Variants in SMC2 observed in about 807,000 individuals in gnomAD.
SMC2 encodes structural maintenance of chromosomes protein 2.
In SMC2, 41 loss-of-function variants were observed where a neutral mutation model predicts 142.6. The ratio of observed to expected loss-of-function variants is 0.29; its 90% confidence interval spans 0.22 to 0.37. The LOEUF (loss-of-function observed/expected upper bound fraction) is 0.37, where lower values mean the gene tolerates loss of function less well. SMC2 is among the 10% of genes least tolerant of loss of function. The pLI is 1.00. For missense variants in SMC2, 1,265 were observed against 1,373.7 expected, an observed-to-expected ratio of 0.92 and a Z score of 1.25; for synonymous variants, 463 against 457.5, an observed-to-expected ratio of 1.01 and a Z score of -0.15.
In SMC2 at chr9:104,132,055, C is replaced by G. The variant is rs776226533; in HGVS notation, c.3038C>G (p.Ser1013Cys). The G allele has an allele frequency of 1.9e-6, 3 of 1,600,784 alleles. No individual in the cohort carries two copies. The change falls in exon 22 of 25, where the codon TCC (serine) becomes TGC (cysteine). Residue 1013 changes from serine to cysteine, a missense_variant. By Grantham distance (112) the Ser-to-Cys change is moderately radical. This residue lies in a region of SMC2 where 192 missense variants were observed against 261.9 expected (regional missense o/e 0.73). Transcript: ENST00000374793. ...KKKRIVENDK[S>C]KILTTIEDLD... is the part of the protein sequence containing the mutation. ...AAGAGAATTGTAGAAAATGACAAATCCAAAATTCTTACAACTATAGAAGAC... is the reference window on the plus strand; with the variant it reads ...AAGAGAATTGTAGAAAATGACAAATGCAAAATTCTTACAACTATAGAAGAC...
chr9:104,111,843 TG>T lies in SMC2; in HGVS notation c.1254+30del, dbSNP rs1322364810. On this transcript the variant is annotated intron_variant, in intron 10 of 24. Coordinates refer to ENST00000374793, the MANE Select transcript of SMC2 (RefSeq NM_006444.3). ...AATAGAGACATTAGCACTATGTGAT[TG>T]CTTTTTTTTCCAAGAAGTTTCTTTT... 2.0e-6 allele frequency: 3 copies of T among 1,477,636 alleles called. No homozygotes were observed. In the Admixed American group the frequency reaches 6.4e-5, roughly 32 times the overall value. The allele number at this position is 1,477,636 out of a possible 1,614,324, so 91.5% of individuals were successfully genotyped here.
At chr9:104,099,069 T>TA (rs1477225099) in intron 4 of SMC2, among the ~76,000 whole-genome samples, 1 of 152,146 alleles carries the variant, frequency 6.6e-6, no homozygotes, top group Non-Finnish European at 1.5e-5. Flanking sequence ...ATATTTCCAC[T>TA]ACACACCTTC....
intron 9 of SMC2, among the ~76,000 whole-genome samples, chr9:104,105,705 C>T (rs759216892): frequency 5.9e-5 from 9 of 152,022 alleles, no homozygotes; most frequent in Non-Finnish European, 1.3e-4. Flanking sequence ...GATGCTATGT[C>T]CTCTCATGTA....
Position 104,125,012 on chromosome 9 carries a change from AAG to A in SMC2, c.2363_2364del (p.Glu788AlafsTer21). ...ATAAAATGAAAAATGCAGAAGCTGA[AAG>A]AGAGCGAGAACTGAAAGATGCTCAG... Reference protein sequence around the residue: ...ENKMKNAEAERERELKDAQKK... With the variant: ...ENKMKNAEAEXERELKDAQKK... On this transcript the variant is annotated frameshift_variant, in exon 18 of 25. Transcript: ENST00000374793. LOFTEE classifies it high-confidence loss of function. The A allele has an allele frequency of 6.2e-7, 1 of 1,608,646 alleles. No individual in the cohort carries two copies. The highest frequency in any genetic ancestry group is 8.5e-7 in the Non-Finnish European group (1 of 1,178,806).
chr9:104,106,195 A>G (rs886907927), intron 9 of SMC2, among the ~76,000 whole-genome samples: 17 of 152,100 alleles, frequency 1.1e-4, no homozygotes, highest in African/African-American at 3.9e-4. Flanking sequence ...ACTATATTCC[A>G]CAAGAGACTG....
chr9:104,137,677 C>A (rs1380250855), intron 23 of SMC2, among the ~76,000 whole-genome samples: 2 of 151,880 alleles, frequency 1.3e-5, no homozygotes, highest in Non-Finnish European at 2.9e-5. Flanking sequence ...TCTTAACCTG[C>A]TACCTAGGCT....
chr9:104,116,652 T>TTTTG (rs1833153563), intron 14 of SMC2, among the ~76,000 whole-genome samples: 1 of 152,182 alleles, frequency 6.6e-6, no homozygotes, highest in Non-Finnish European at 1.5e-5. Flanking sequence ...AAGTTTTTGT[T>TTTTG]TTTGTTTCTT....
Position 104,141,001 on chromosome 9 carries a change from G to A in SMC2, c.*1686G>A, listed in dbSNP as rs1282872015. 1 of 151,994 alleles carries A rather than the reference G, an allele frequency of 6.6e-6. No individual in the cohort carries two copies. Among genetic ancestry groups the A allele is most frequent in the Non-Finnish European group, 1.5e-5 (1 of 67,992 alleles). The allele number at this position is 151,994 out of a possible 1,614,324, so 9.4% of individuals were successfully genotyped here. The stretch of plus-strand genomic sequence containing the variant: ...TGTGTGCGTTCCTGATTTTTGTCTT[G>A]TATAATCTTGATCTTTGAAAACCCT... On this transcript the variant is annotated 3_prime_UTR_variant, in exon 25 of 25. Coordinates refer to ENST00000374793, the MANE Select transcript of SMC2 (RefSeq NM_006444.3).
chr9:104,129,959 CT>C, intron 21 of SMC2, 114 bp downstream of exon 21: 1 of 743,578 alleles, frequency 1.3e-6, no homozygotes, highest in Non-Finnish European at 2.2e-6. Context: ...GTCCTTGATA[CT>C]TTTCTTTCTG....
intron 23 of SMC2, chr9:104,136,030 G>GA (rs1451598906): frequency 6.8e-6 from 3 of 444,254 alleles, no homozygotes; most frequent in Admixed American, 5.4e-5. Context: ...CAGTGATTCA[G>GA]AAAATCAGCA....
In SMC2 at chr9:104,127,286, G is replaced by A. The variant is rs892727294; in HGVS notation, c.2596G>A (p.Glu866Lys). 6.4e-7 allele frequency: 1 copy of A among 1,553,864 alleles called. No individual in the cohort carries two copies. The highest frequency in any genetic ancestry group is 8.7e-7 in the Non-Finnish European group (1 of 1,150,502). ...VMAAEVAKNK[E>K]SVNKAQEEVT... Reference sequence around the variant, plus strand: ...ATTTTCTTTAATTTTTTTGTTTTAGGAGTCAGTAAATAAAGCTCAAGAAGA... The same window carrying A: ...ATTTTCTTTAATTTTTTTGTTTTAGAAGTCAGTAAATAAAGCTCAAGAAGA... Residue 866 changes from glutamate to lysine, a missense_variant and splice_region_variant, in exon 20 of 25, where the codon GAG becomes AAG. Glu to Lys is a moderately conservative substitution (Grantham distance 56). Coordinates refer to ENST00000374793, the MANE Select transcript of SMC2 (RefSeq NM_006444.3).
intron 9 of SMC2, among the ~76,000 whole-genome samples, chr9:104,105,738 G>A (rs909530708): frequency 1.3e-5 from 2 of 152,234 alleles, no homozygotes; most frequent in East Asian, 1.9e-4. Flanking sequence ...GGGTCTGTTG[G>A]TGTACACTGT....
At chr9:104,102,941 G>A (rs1244698274) in intron 9 of SMC2, among the ~76,000 whole-genome samples, 1 of 152,096 alleles carries the variant, frequency 6.6e-6, no homozygotes, top group Non-Finnish European at 1.5e-5. Context: ...ATAAGCTTAA[G>A]AAATACAGTA....
intron 13 of SMC2, among the ~76,000 whole-genome samples, chr9:104,115,246 GTT>G (rs199500651): frequency 6.8e-6 from 1 of 146,812 alleles, no homozygotes; most frequent in African/African-American, 2.5e-5. Flanking sequence ...TTACTTCCTT[GTT>G]TTTTTTTTAA....
rs368492314 is a variant in SMC2, at chr9:104,111,571, C to A, written c.1021-10C>A. 37 of 1,582,620 alleles carry A rather than the reference C, an allele frequency of 2.3e-5. No individual in the cohort carries two copies. The highest frequency in any genetic ancestry group is 3.1e-5 in the Non-Finnish European group (36 of 1,155,790). ...ATATAATATTTTTCCATTTGAAACT[C>A]TTCCTAAAGGACTCAAAAACTTTAG... is the stretch of plus-strand genomic sequence containing the variant. On this transcript the variant is annotated splice_polypyrimidine_tract_variant and intron_variant, in intron 9 of 24. Transcript: ENST00000374793.
chr9:104,126,578 T>C (rs1834314995), intron 18 of SMC2, 63 bp from the exon 19 acceptor site: 4 of 1,230,684 alleles, frequency 3.3e-6, no homozygotes, highest in Admixed American at 4.5e-5. Flanking sequence ...AATTGTTCTG[T>C]ACATATTTGT....
At chr9:104,112,830 A>G (rs1036155751) in intron 10 of SMC2, among the ~76,000 whole-genome samples, 4 of 152,160 alleles carry the variant, frequency 2.6e-5, no homozygotes, top group Non-Finnish European at 4.4e-5. Context: ...TATCAGACTC[A>G]GCATTTAAGT....
intron 20 of SMC2, among the ~76,000 whole-genome samples, chr9:104,129,100 A>G (rs969162799): frequency 1.3e-5 from 2 of 152,186 alleles, no homozygotes; most frequent in Non-Finnish European, 2.9e-5. Flanking sequence ...TGGCTCTTCT[A>G]ATGCCAAAGT....
chr9:104,136,189 TATA>T, intron 23 of SMC2: 1 of 270,636 alleles, frequency 3.7e-6, no homozygotes. Flanking sequence ...CTGCATGGTA[TATA>T]ATCCATAGGC....
Sources: gnomAD v4.1 joint callset for allele counts (sites outside exome capture counted in the v4.1 genomes callset) on GRCh38, gnomAD v4.1.1 for gene constraint, gnomAD v4.1.1 regional missense constraint, MANE v1.5 for transcripts, NCBI Gene and HGNC (gene_info 2026-07-23, HGNC 2026-07-21) for gene names.